Variants in DPP10 observed in about 807,000 individuals in gnomAD.
DPP10 encodes dipeptidyl peptidase like 10.
DPP10 carries 33 observed loss-of-function variants against 120.9 expected under a neutral mutation model. That is an observed-to-expected ratio of 0.27 (90% CI 0.21 to 0.37). The LOEUF is 0.37. Ranked by LOEUF, DPP10 falls within the 10% of genes least tolerant of loss-of-function variation. The pLI is 1.00. For missense variants in DPP10, 816 were observed against 942.8 expected (o/e 0.87, Z 1.76); for synonymous variants, 337 against 326.1 (o/e 1.03, Z -0.36).
At chr2:115,553,606 A>G (rs1346398886) in intron 5 of DPP10, among the ~76,000 whole-genome samples, 3 of 152,054 alleles carry the variant, frequency 2.0e-5, no homozygotes, top group Admixed American at 2.0e-4. Context: ...TCCTAATTAG[A>G]TCAGGACATT....
chr2:114,921,916 C>T (rs1445045537), intron 1 of DPP10, among the ~76,000 whole-genome samples: 1 of 152,180 alleles, frequency 6.6e-6, no homozygotes, highest in Non-Finnish European at 1.5e-5. Flanking sequence ...CTTGTTTAAA[C>T]TTTTATTGAT....
At chr2:114,812,862 A>G (rs1384482433) in intron 1 of DPP10, among the ~76,000 whole-genome samples, 1 of 152,200 alleles carries the variant, frequency 6.6e-6, no homozygotes, top group Non-Finnish European at 1.5e-5. Context: ...GGGGTTACAT[A>G]GGCCAGATAT....
intron 3 of DPP10, among the ~76,000 whole-genome samples, chr2:115,365,200 G>A (rs2065009103): frequency 6.6e-6 from 1 of 152,082 alleles, no homozygotes; most frequent in Admixed American, 6.6e-5. Context: ...GACAGACTGT[G>A]ATAGAATCCA....
chr2:115,131,426 T>C (rs1351726012), intron 1 of DPP10, among the ~76,000 whole-genome samples: 3 of 151,996 alleles, frequency 2.0e-5, no homozygotes, highest in Non-Finnish European at 4.4e-5. Context: ...GGTAGGAGGA[T>C]TGCTTGAGTC....
chr2:115,314,154 G>A (rs974692293), intron 2 of DPP10, among the ~76,000 whole-genome samples: 9 of 152,178 alleles, frequency 5.9e-5, no homozygotes, highest in Non-Finnish European at 1.3e-4. Flanking sequence ...GAACAAAGGT[G>A]CATATTTTAT....
chr2:115,090,460 G>C (rs1259488384), intron 1 of DPP10, among the ~76,000 whole-genome samples: 1 of 152,118 alleles, frequency 6.6e-6, no homozygotes, highest in Non-Finnish European at 1.5e-5. Flanking sequence ...TTTGGGGAGG[G>C]GGGTGAGGGG....
intron 3 of DPP10, among the ~76,000 whole-genome samples, chr2:115,365,420 A>G (rs942603449): frequency 2.0e-5 from 3 of 152,044 alleles, no homozygotes; most frequent in Non-Finnish European, 4.4e-5. Context: ...ACTAAAAGTA[A>G]CTGCAGACAT....
At chr2:115,294,920 G>T (rs2060818683) in intron 1 of DPP10, among the ~76,000 whole-genome samples, 1 of 151,958 alleles carries the variant, frequency 6.6e-6, no homozygotes, top group African/African-American at 2.4e-5. Context: ...GACACAGGTT[G>T]GTAGGATTTT....
chr2:115,786,058 G>A (rs1330544422), intron 17 of DPP10, among the ~76,000 whole-genome samples: 7 of 151,954 alleles, frequency 4.6e-5, no homozygotes, highest in Non-Finnish European at 7.4e-5. Flanking sequence ...ATATAATAGG[G>A]GAAGATATTT....
At chr2:115,043,143 T>C (rs969597634) in intron 1 of DPP10, among the ~76,000 whole-genome samples, 6 of 152,186 alleles carry the variant, frequency 3.9e-5, no homozygotes, top group Non-Finnish European at 5.9e-5. Flanking sequence ...CCAAACTATT[T>C]TTTTAGAGCC....
intron 1 of DPP10, among the ~76,000 whole-genome samples, chr2:114,657,723 C>A (rs188807948): frequency 6.6e-6 from 1 of 151,988 alleles, no homozygotes; most frequent in Non-Finnish European, 1.5e-5. Context: ...TAGTAGCATA[C>A]GTGAAAAAAT....
intron 3 of DPP10, among the ~76,000 whole-genome samples, chr2:115,426,934 T>C (rs1272288685): frequency 6.6e-6 from 1 of 152,240 alleles, no homozygotes; most frequent in Non-Finnish European, 1.5e-5. Context: ...AATTAACTTA[T>C]TTACTTACAA....
chr2:115,570,216 A>G (rs1315625807), intron 5 of DPP10, among the ~76,000 whole-genome samples: 2 of 152,144 alleles, frequency 1.3e-5, no homozygotes, highest in Non-Finnish European at 2.9e-5. Context: ...GGCTTAGTTG[A>G]TGGAAACTGA....
At chr2:115,602,124 G>A (rs2083366185) in intron 5 of DPP10, among the ~76,000 whole-genome samples, 1 of 152,066 alleles carries the variant, frequency 6.6e-6, no homozygotes, top group Non-Finnish European at 1.5e-5. Flanking sequence ...CACATTGTAA[G>A]CAGAAACTTA....
chr2:114,451,922 G>A (rs1678301702), intron 1 of DPP10, among the ~76,000 whole-genome samples: 1 of 152,080 alleles, frequency 6.6e-6, no homozygotes, highest in Non-Finnish European at 1.5e-5. Context: ...TTTTACAGAA[G>A]GTAAATCTTA....
chr2:114,567,404 G>T (rs987269803), intron 1 of DPP10, among the ~76,000 whole-genome samples: 3 of 152,064 alleles, frequency 2.0e-5, no homozygotes, highest in Non-Finnish European at 4.4e-5. Flanking sequence ...GAGTTATTCT[G>T]GTGGGACTGA....
At chr2:115,577,346 G>A (rs1010932045) in intron 5 of DPP10, among the ~76,000 whole-genome samples, 9 of 152,154 alleles carry the variant, frequency 5.9e-5, no homozygotes, top group African/African-American at 1.9e-4. Flanking sequence ...TCTGCCTTCC[G>A]TGTTTGCTAA....
intron 3 of DPP10, among the ~76,000 whole-genome samples, chr2:115,471,366 T>C (rs1382421618): frequency 6.6e-6 from 1 of 152,150 alleles, no homozygotes; most frequent in African/African-American, 2.4e-5. Flanking sequence ...TCTTTGAATA[T>C]TGCCTTTGCC....
At chr2:115,830,841 G>A (rs1286462939) in intron 21 of DPP10, among the ~76,000 whole-genome samples, 1 of 152,130 alleles carries the variant, frequency 6.6e-6, no homozygotes, top group Non-Finnish European at 1.5e-5. Flanking sequence ...ACTTAAAAAT[G>A]TAAATGAATA....
Sources: allele counts gnomAD v4.1 joint callset (sites outside exome capture counted in the v4.1 genomes callset), GRCh38; gene constraint gnomAD v4.1.1; transcripts MANE v1.5; gene names NCBI Gene and HGNC (gene_info 2026-07-23, HGNC 2026-07-21).